The following RTCA variants were observed in gnomAD, a reference collection of about 807,000 sequenced individuals.
RTCA encodes RNA 3'-terminal phosphate cyclase, also known as RNA terminal phosphate cyclase domain 1.
Under a neutral mutation model 46.1 loss-of-function variants are expected in RTCA, and 37 were observed. The observed-to-expected ratio is 0.80, with a 90% CI of 0.62 to 1.06. The LOEUF (loss-of-function observed/expected upper bound fraction) is 1.06, where lower values mean the gene tolerates loss of function less well. Ranked by LOEUF, RTCA falls within the 50% of genes least tolerant of loss-of-function variation. The pLI is 0.00. For missense variants in RTCA, 435 were observed against 455.5 expected (o/e 0.95, Z 0.41); for synonymous variants, 164 against 158.3 (o/e 1.04, Z -0.27).
At chr1:100,274,619 C>T (rs1050625897) in intron 5 of RTCA, among the ~76,000 whole-genome samples, 2 of 152,156 alleles carry the variant, frequency 1.3e-5, no homozygotes, top group Non-Finnish European at 2.9e-5. Context: ...AATAGTTTCA[C>T]ATATCTCAAG....
chr1:100,268,332 G>GT, intron 3 of RTCA, 37 bp downstream of exon 3: 1 of 1,524,230 alleles, frequency 6.6e-7, no homozygotes, highest in Non-Finnish European at 8.9e-7. Context: ...AGTAACCTGG[G>GT]TTTAAGTCCA....
chr1:100,268,402 T>A, intron 3 of RTCA, 107 bp downstream of exon 3: 1 of 917,516 alleles, frequency 1.1e-6, no homozygotes, highest in Non-Finnish European at 1.6e-6. Flanking sequence ...CCTACTTTTA[T>A]GTTTTTTTTT....
intron 8 of RTCA, among the ~76,000 whole-genome samples, chr1:100,283,160 C>CTTTTTTTTT (rs71084815): frequency 4.9e-5 from 5 of 102,104 alleles, no homozygotes; most frequent in Admixed American, 1.3e-4. Context: ...CCAAATATTC[C>CTTTTTTTTT]TTTTTTTTTT....
At chr1:100,289,374 C>G (rs548902784) in intron 10 of RTCA, among the ~76,000 whole-genome samples, 2 of 151,952 alleles carry the variant, frequency 1.3e-5, no homozygotes, top group Admixed American at 1.3e-4. Context: ...AACTCCTGGG[C>G]TCAAGTGATC....
chr1:100,279,950 G>A (rs1455843995), intron 8 of RTCA, among the ~76,000 whole-genome samples: 3 of 152,172 alleles, frequency 2.0e-5, no homozygotes, highest in Non-Finnish European at 4.4e-5. Flanking sequence ...TTTAATGAGG[G>A]ATGTGATATG....
intron 2 of RTCA, 140 bp from the exon 3 acceptor site, chr1:100,268,012 A>G: frequency 8.1e-7 from 1 of 1,234,046 alleles, no homozygotes; most frequent in Non-Finnish European, 1.1e-6. Context: ...CCCAAAAGGA[A>G]GCTGACACTG....
At chr1:100,291,351 T>C (rs962403440) in intron 10 of RTCA, 52 bp from the exon 11 acceptor site, 8 of 1,187,218 alleles carry the variant, frequency 6.7e-6, no homozygotes, top group Non-Finnish European at 9.6e-6. Flanking sequence ...AGTTGTGGGC[T>C]CTTTCCTCCA....
intron 8 of RTCA, 58 bp from the exon 9 acceptor site, chr1:100,285,170 A>C (rs1358982046): frequency 1.4e-6 from 2 of 1,426,404 alleles, no homozygotes; most frequent in African/African-American, 3.0e-5. Flanking sequence ...TTTGTCTCTT[A>C]GTAATTAGTT....
rs749536054 is a variant in RTCA, at chr1:100,268,184, G to A, written c.179G>A (p.Arg60Gln). The change falls in exon 3 of 11, where the codon CGA becomes CAA. Residue 60 changes from arginine (R) to glutamine (Q), a missense_variant. Arg to Gln is a conservative substitution (Grantham distance 43). Coordinates refer to ENST00000370128, the MANE Select transcript of RTCA (RefSeq NM_003729.4). ...PQHLSGLEMI[R>Q]DLCDGQLEGA... is the part of the protein sequence containing the mutation. The stretch of plus-strand genomic sequence containing the variant: ...CATTTATCTGGACTGGAAATGATTC[G>A]AGATTTGTGTGATGGGCAACTGGAG... The A allele has an allele frequency of 1.8e-5, 29 of 1,614,008 alleles. No individual in the cohort carries two copies. In the African/African-American group the frequency reaches 2.7e-4, roughly 15 times the overall value.
intron 8 of RTCA, among the ~76,000 whole-genome samples, chr1:100,280,231 A>G (rs974695186): frequency 2.0e-5 from 3 of 152,222 alleles, no homozygotes; most frequent in Non-Finnish European, 2.9e-5. Context: ...TTGTGAATAT[A>G]CGGGGTAGAG....
chr1:100,278,230 A>T (rs573866542), intron 8 of RTCA, among the ~76,000 whole-genome samples: 31 of 152,332 alleles, frequency 2.0e-4, no homozygotes, highest in African/African-American at 6.5e-4. Flanking sequence ...GCTTTCATCC[A>T]GTGGTTTTAA....
intron 7 of RTCA, among the ~76,000 whole-genome samples, chr1:100,276,878 C>G (rs923330613): frequency 6.6e-6 from 1 of 152,112 alleles, no homozygotes; most frequent in Non-Finnish European, 1.5e-5. Flanking sequence ...ATCTAAAAAC[C>G]GTAGAACAAT....
At chr1:100,283,160 CTTTTTTTTTT>C (rs71084815) in intron 8 of RTCA, among the ~76,000 whole-genome samples, 3 of 102,106 alleles carry the variant, frequency 2.9e-5, no homozygotes, top group South Asian at 3.6e-4. Context: ...CCAAATATTC[CTTTTTTTTTT>C]TTTTTTTTTT....
In RTCA at chr1:100,275,662, G is replaced by C; in HGVS notation, c.679G>C (p.Val227Leu). 2 of 1,612,612 alleles carry C rather than the reference G, an allele frequency of 1.2e-6. No individual in the cohort carries two copies. The highest frequency in any genetic ancestry group is 1.7e-6 in the Non-Finnish European group (2 of 1,179,180). ...CIRKEIRDLY[V>L]NIQPVQEPKD... ...CAGAAAGGAGATCCGGGATTTGTAT[G>C]TTAACATCCAGCCTGTTCAAGAACC... Residue 227 changes from valine to leucine, a missense_variant, in exon 7 of 11, where the codon GTT (valine) becomes CTT (leucine). Transcript: ENST00000370128.
At chr1:100,280,101 G>A (rs912141344) in intron 8 of RTCA, among the ~76,000 whole-genome samples, 2 of 152,208 alleles carry the variant, frequency 1.3e-5, no homozygotes, top group Non-Finnish European at 2.9e-5. Context: ...ACTGATAAAA[G>A]GGTATTTGCA....
At position 100,266,296 on chromosome 1, in the gene RTCA, T is replaced by C. The variant is rs1665764674; in HGVS notation, c.-80T>C. ...GCATGAACCAAGGTTTCTGAACTACTGGGCGGGAGCCAACGTCTCTTCTTT... is the reference window on the plus strand; with the variant it reads ...GCATGAACCAAGGTTTCTGAACTACCGGGCGGGAGCCAACGTCTCTTCTTT... On this transcript the variant is annotated 5_prime_UTR_variant, in exon 1 of 11. Coordinates refer to ENST00000370128, the MANE Select transcript of RTCA (RefSeq NM_003729.4). 3.2e-6 allele frequency: 5 copies of C among 1,559,974 alleles called. No individual in the cohort carries two copies. Among genetic ancestry groups the C allele is most frequent in the Non-Finnish European group, 4.3e-6 (5 of 1,150,922 alleles).
chr1:100,288,539 G>A (rs570470775), intron 10 of RTCA, among the ~76,000 whole-genome samples: 2 of 151,454 alleles, frequency 1.3e-5, no homozygotes, highest in African/African-American at 4.8e-5. Flanking sequence ...CTACGGGAGT[G>A]TGCCACCACA....
intron 8 of RTCA, among the ~76,000 whole-genome samples, chr1:100,284,344 T>C (rs1666908405): frequency 1.3e-5 from 2 of 152,100 alleles, no homozygotes; most frequent in South Asian, 2.1e-4. Context: ...GATAATGTTA[T>C]ATGCTCTTTT....
rs1400485881 is a variant in RTCA at position 100,291,758 on chromosome 1, T to G, written c.*254T>G. On this transcript the variant is annotated 3_prime_UTR_variant, in exon 11 of 11. Coordinates refer to ENST00000370128, the MANE Select transcript of RTCA (RefSeq NM_003729.4). ...AATATTGAAGTATTGAAATAAAATA[T>G]TCTTTACACCTGAAGTAAATACATT... is the stretch of plus-strand genomic sequence containing the variant. 6 of 239,256 alleles carry G rather than the reference T, an allele frequency of 2.5e-5. No individual in the cohort carries two copies. In the East Asian group the frequency reaches 4.1e-4, roughly 16 times the overall value. 14.8% of individuals were successfully genotyped at this position (239,256 alleles called of 1,614,324 possible).
Sources: allele counts gnomAD v4.1 joint callset (sites outside exome capture counted in the v4.1 genomes callset), GRCh38; gene constraint gnomAD v4.1.1; transcripts MANE v1.5; gene names NCBI Gene and HGNC (gene_info 2026-07-23, HGNC 2026-07-21).